Variants in CLVS2 observed in about 807,000 individuals in gnomAD.
CLVS2 encodes clavesin-2.
A neutral mutation model predicts 29.0 loss-of-function variants in CLVS2; 19 were observed. That is an observed-to-expected ratio of 0.66 (90% CI 0.46 to 0.96). The LOEUF (loss-of-function observed/expected upper bound fraction) is 0.96, where lower values mean the gene tolerates loss of function less well. Among genes scored for constraint, CLVS2 ranks in the 40% least tolerant of loss-of-function variants. CLVS2 has a pLI of 0.00. For synonymous variants in CLVS2, 161 were observed against 151.3 expected (o/e 1.06, Z -0.47); for missense variants, 294 against 404.1 (o/e 0.73, Z 2.34).
intron 3 of CLVS2, among the ~76,000 whole-genome samples, chr6:123,041,189 A>G (rs146328555): frequency 6.6e-6 from 1 of 152,298 alleles, no homozygotes; most frequent in African/African-American, 2.4e-5. Context: ...ATAAAAGGAT[A>G]GTTCTGAGTT....
chr6:123,008,949 T>C (rs1178762656), intron 2 of CLVS2, among the ~76,000 whole-genome samples: 1 of 152,154 alleles, frequency 6.6e-6, no homozygotes, highest in Non-Finnish European at 1.5e-5. Context: ...GCTGTATCCC[T>C]AGGCCTTTTG....
At chr6:123,055,384 G>A (rs1194915622) in intron 4 of CLVS2, among the ~76,000 whole-genome samples, 1 of 152,128 alleles carries the variant, frequency 6.6e-6, no homozygotes, top group Non-Finnish European at 1.5e-5. Context: ...ACTTGCATAG[G>A]CTCTGTAATT....
intron 4 of CLVS2, among the ~76,000 whole-genome samples, chr6:123,052,478 T>C (rs1280178310): frequency 6.6e-6 from 1 of 152,206 alleles, no homozygotes; most frequent in Non-Finnish European, 1.5e-5. Flanking sequence ...ACTTATATTT[T>C]GACATGGTCA....
At chr6:123,030,837 A>ATATATATATATATATAAAAT (rs1554202193) in intron 3 of CLVS2, among the ~76,000 whole-genome samples, 1 of 146,210 alleles carries the variant, frequency 6.8e-6, no homozygotes, top group South Asian at 2.1e-4. Context: ...ATATATATAA[A>ATATATATATATATATAAAAT]ATATATATAT....
At chr6:123,032,944 T>C (rs1478879782) in intron 3 of CLVS2, among the ~76,000 whole-genome samples, 1 of 152,138 alleles carries the variant, frequency 6.6e-6, no homozygotes, top group Non-Finnish European at 1.5e-5. Flanking sequence ...AGATTTTTTG[T>C]TGTCTATTGT....
Position 123,050,981 on chromosome 6 carries a change from G to A in CLVS2, c.675+2249G>A, listed in dbSNP as rs193152799. Among the ~76,000 whole-genome samples the A allele has an allele frequency of 8.6e-3, 1,305 of 152,096 alleles. 7 individuals are homozygous for A. The highest frequency in any genetic ancestry group is 0.014 in the Non-Finnish European group (957 of 67,994). The stretch of plus-strand genomic sequence containing the variant: ...AAGGTATCTAAACTTTACCATTTTA[G>A]TTAAAATTATATGACTTGGAAATTT... On this transcript the variant is annotated intron_variant, in intron 4 of 5. Coordinates refer to ENST00000275162, the MANE Select transcript of CLVS2 (RefSeq NM_001010852.4).
Position 123,071,941 on chromosome 6 carries a change from T to C in CLVS2, c.*8180T>C, listed in dbSNP as rs1772956044. 6.6e-6 allele frequency: 1 copy of C among 152,070 alleles called. No homozygotes were observed. The highest frequency in any genetic ancestry group is 2.4e-5 in the African/African-American group (1 of 41,448). 9.4% of individuals were successfully genotyped at this position (152,070 alleles called of 1,614,324 possible). A position where few individuals can be genotyped will look rare whatever the true frequency, so the allele number is the denominator to read the frequency against. On this transcript the variant is annotated 3_prime_UTR_variant, in exon 6 of 6. Coordinates refer to ENST00000275162, the MANE Select transcript of CLVS2 (RefSeq NM_001010852.4). ...CTTTTCAGCTTGCTCCCTTCTCTTT[T>C]AATTTCAGCTATCATTTTTAGAGCC... is the stretch of plus-strand genomic sequence containing the variant.
intron 4 of CLVS2, among the ~76,000 whole-genome samples, chr6:123,055,580 T>C (rs1418131457): frequency 1.3e-5 from 2 of 152,140 alleles, no homozygotes; most frequent in Non-Finnish European, 2.9e-5. Context: ...TCTCTGACCT[T>C]CCAGAAATTA....
At chr6:123,029,393 A>T (rs1775049978) in intron 3 of CLVS2, among the ~76,000 whole-genome samples, 1 of 152,196 alleles carries the variant, frequency 6.6e-6, no homozygotes, top group Non-Finnish European at 1.5e-5. Flanking sequence ...TAGGGAAAGG[A>T]CTGAGAAAAG....
chr6:123,011,276 G>A, intron 3 of CLVS2, 117 bp downstream of exon 3: 1 of 683,954 alleles, frequency 1.5e-6, no homozygotes, highest in Non-Finnish European at 2.3e-6. Flanking sequence ...AAAATCTGTA[G>A]TTTTTGAGCA....
intron 2 of CLVS2, among the ~76,000 whole-genome samples, chr6:123,006,020 A>G (rs1426236654): frequency 1.3e-5 from 2 of 152,186 alleles, no homozygotes; most frequent in South Asian, 2.1e-4. Context: ...GTGGTATCAA[A>G]CAGTGAAAGA....
chr6:123,048,725 G>A lies in CLVS2; in HGVS notation c.668G>A (p.Arg223Gln), dbSNP rs376660185. ...CGGCCTTTCCTGAAGGAGAAAACTCGGAAAAGGGTATTCTTTTCTTTGATT... is the reference window on the plus strand; with the variant it reads ...CGGCCTTTCCTGAAGGAGAAAACTCAGAAAAGGGTATTCTTTTCTTTGATT... ...VIRPFLKEKT[R>Q]KRIFLHGNNL... Residue 223 changes from arginine (R) to glutamine (Q), a missense_variant, in exon 4 of 6, where the codon CGG becomes CAG. By Grantham distance (43) the Arg-to-Gln change is conservative. Transcript: ENST00000275162. 6 of 1,599,786 alleles carry A rather than the reference G, an allele frequency of 3.8e-6. No individual in the cohort carries two copies. The highest frequency in any genetic ancestry group is 5.1e-6 in the Non-Finnish European group (6 of 1,167,298).
At chr6:123,056,384 T>G (rs1772693538) in intron 5 of CLVS2, among the ~76,000 whole-genome samples, 1 of 152,180 alleles carries the variant, frequency 6.6e-6, no homozygotes, top group Admixed American at 6.6e-5. Context: ...CAAACCATCC[T>G]GCCTCATCCC....
intron 3 of CLVS2, among the ~76,000 whole-genome samples, chr6:123,028,230 T>C (rs1460600698): frequency 1.2e-5 from 1 of 82,424 alleles, no homozygotes; most frequent in Non-Finnish European, 2.3e-5. Flanking sequence ...CTGTTGGCTA[T>C]GCTATACAGA....
At chr6:123,000,439 A>C (rs1774574789) in intron 2 of CLVS2, among the ~76,000 whole-genome samples, 1 of 152,120 alleles carries the variant, frequency 6.6e-6, no homozygotes, top group African/African-American at 2.4e-5. Flanking sequence ...TTATCACTGG[A>C]GCATGTGCAT....
chr6:123,041,732 A>G (rs139364402), intron 3 of CLVS2, among the ~76,000 whole-genome samples: 7 of 152,210 alleles, frequency 4.6e-5, no homozygotes, highest in Admixed American at 2.6e-4. Flanking sequence ...TAAGAGAAAT[A>G]CATGTTGACA....
intron 3 of CLVS2, among the ~76,000 whole-genome samples, chr6:123,031,665 T>A (rs1378786026): frequency 6.6e-6 from 1 of 152,172 alleles, no homozygotes; most frequent in Non-Finnish European, 1.5e-5. Context: ...CAATTATGCC[T>A]CAATAGAGCT....
intron 3 of CLVS2, among the ~76,000 whole-genome samples, chr6:123,039,831 A>G (rs1775202887): frequency 6.6e-6 from 1 of 152,232 alleles, no homozygotes; most frequent in Non-Finnish European, 1.5e-5. Context: ...ATAGGTAGCT[A>G]GGTAAAATTA....
intron 2 of CLVS2, among the ~76,000 whole-genome samples, chr6:123,007,195 A>G (rs899245582): frequency 6.6e-5 from 10 of 152,224 alleles, no homozygotes; most frequent in African/African-American, 2.4e-4. Flanking sequence ...CAAAAGTCAT[A>G]CAATTGTAGA....
Sources: allele counts gnomAD v4.1 joint callset (sites outside exome capture counted in the v4.1 genomes callset), GRCh38; gene constraint gnomAD v4.1.1; transcripts MANE v1.5; gene names NCBI Gene and HGNC (gene_info 2026-07-23, HGNC 2026-07-21).